Variants in SUFU observed in about 807,000 individuals in gnomAD.
The protein encoded by SUFU is SUFU negative regulator of hedgehog signaling, also known as suppressor of fused homolog.
SUFU carries 7 observed loss-of-function variants against 58.9 expected under a neutral mutation model. The observed-to-expected ratio is 0.12, with a 90% CI of 0.07 to 0.22. The LOEUF (loss-of-function observed/expected upper bound fraction) is 0.22, where lower values mean the gene tolerates loss of function less well. SUFU is among the 10% of genes least tolerant of loss of function. The probability of loss-of-function intolerance (pLI) is 1.00; values close to 1 mark genes in which losing one functional copy is unlikely to be tolerated. For missense variants in SUFU, 451 were observed against 641.3 expected, an observed-to-expected ratio of 0.70 and a Z score of 3.20; for synonymous variants, 232 against 254.8, an observed-to-expected ratio of 0.91 and a Z score of 0.85.
At chr10:102,529,277 G>T (rs1011901109) in intron 2 of SUFU, among the ~76,000 whole-genome samples, 1 of 152,134 alleles carries the variant, frequency 6.6e-6, no homozygotes, top group Non-Finnish European at 1.5e-5. Context: ...GTGACTCAAA[G>T]CATCTCACAA....
At chr10:102,515,065 T>G (rs1300721743) in intron 2 of SUFU, among the ~76,000 whole-genome samples, 2 of 152,116 alleles carry the variant, frequency 1.3e-5, no homozygotes, top group Non-Finnish European at 2.9e-5. Context: ...TCCAGTGGAG[T>G]TTGGAGCAGT....
Position 102,601,921 on chromosome 10 carries a change from G to A in SUFU, c.1022+2377G>A, listed in dbSNP as rs558707102. On this transcript the variant is annotated intron_variant, in intron 8 of 11. Coordinates refer to ENST00000369902, the MANE Select transcript of SUFU (RefSeq NM_016169.4). ...CCCTTAGTCAGGACTTCTGGGCCAG[G>A]GAGCTCTTATGCATGGGTCTTCGCG... Among the ~76,000 whole-genome samples the A allele has an allele frequency of 3.9e-5, 6 of 152,276 alleles. No individual in the cohort carries two copies. In the South Asian group the frequency reaches 1.0e-3, roughly 26 times the overall value.
rs1417829175 is a variant in SUFU at position 102,629,451 on chromosome 10, AC to A, written c.1366-614del. Among the ~76,000 whole-genome samples, 1 of 152,172 alleles carries A rather than the reference AC, an allele frequency of 6.6e-6. No individual in the cohort carries two copies. Among genetic ancestry groups the A allele is most frequent in the African/African-American group, 2.4e-5 (1 of 41,438 alleles). ...ACCCTGGGAAGTGGTGCGAATGAAT[AC>A]AGGGAGCAGGGTGGGGATTGGCCCC... On this transcript the variant is annotated intron_variant, in intron 11 of 11. Coordinates refer to ENST00000369902, the MANE Select transcript of SUFU (RefSeq NM_016169.4). The surrounding 1 kb of genome is among the most constrained non-coding windows in gnomAD (Gnocchi z 4.7).
intron 10 of SUFU, among the ~76,000 whole-genome samples, chr10:102,626,410 C>A (rs1023206119): frequency 2.0e-5 from 3 of 152,066 alleles, no homozygotes; most frequent in South Asian, 4.1e-4. Flanking sequence ...AATAGTGGGG[C>A]CAGACTCAGC....
chr10:102,525,595 T>C (rs2062600433), intron 2 of SUFU, among the ~76,000 whole-genome samples: 2 of 152,162 alleles, frequency 1.3e-5, no homozygotes, highest in Non-Finnish European at 2.9e-5. Context: ...CTCTGCCTCC[T>C]AGGTTCCAGC....
intron 3 of SUFU, among the ~76,000 whole-genome samples, chr10:102,554,333 G>A (rs1231892158): frequency 6.6e-6 from 1 of 152,100 alleles, no homozygotes; most frequent in Non-Finnish European, 1.5e-5. Flanking sequence ...AACCTGGGAG[G>A]CAGAGGTTGT....
chr10:102,605,782 C>T (rs1233688201), intron 8 of SUFU, among the ~76,000 whole-genome samples: 1 of 152,138 alleles, frequency 6.6e-6, no homozygotes, highest in Non-Finnish European at 1.5e-5. Context: ...GGAAGAATCT[C>T]CCAGGCAAGG....
chr10:102,537,655 A>G (rs1202782127), intron 2 of SUFU, among the ~76,000 whole-genome samples: 1 of 152,068 alleles, frequency 6.6e-6, no homozygotes, highest in East Asian at 1.9e-4. Context: ...ATCATATGAC[A>G]TTTGTCCCTT....
At chr10:102,506,039 GAAAAAAAAA>G (rs1170831161) in intron 1 of SUFU, among the ~76,000 whole-genome samples, 1,070 of 84,220 alleles carry the variant, frequency 0.013, 17 homozygotes, top group African/African-American at 0.043. Flanking sequence ...TCTGTTATTT[GAAAAAAAAA>G]AAAAAAAAAA....
chr10:102,512,193 CAGA>C (rs1280987875), intron 2 of SUFU, among the ~76,000 whole-genome samples: 2 of 152,120 alleles, frequency 1.3e-5, no homozygotes, highest in Non-Finnish European at 2.9e-5. Context: ...GCAGTGTCAG[CAGA>C]AGGATTTGGG....
intron 8 of SUFU, among the ~76,000 whole-genome samples, chr10:102,603,492 C>T (rs2063533577): frequency 6.6e-6 from 1 of 152,178 alleles, no homozygotes; most frequent in African/African-American, 2.4e-5. Flanking sequence ...GGTGTGCACA[C>T]TTATGTTAGA....
At chr10:102,538,359 T>C (rs991765876) in intron 2 of SUFU, among the ~76,000 whole-genome samples, 2 of 152,098 alleles carry the variant, frequency 1.3e-5, no homozygotes, top group East Asian at 1.9e-4. Flanking sequence ...CTTTTTTTTT[T>C]CCAAATGTAA....
At chr10:102,605,968 T>A (rs1298764232) in intron 8 of SUFU, among the ~76,000 whole-genome samples, 1 of 152,014 alleles carries the variant, frequency 6.6e-6, no homozygotes, top group African/African-American at 2.4e-5. Flanking sequence ...CTAAAAGGAG[T>A]CTCAATGGTT....
chr10:102,538,189 G>T (rs1275069514), intron 2 of SUFU, among the ~76,000 whole-genome samples: 1 of 152,182 alleles, frequency 6.6e-6, no homozygotes, highest in African/African-American at 2.4e-5. Context: ...ACCTCTCAAA[G>T]ATTAGTCCCT....
At chr10:102,507,668 C>T (rs1564656337) in intron 1 of SUFU, among the ~76,000 whole-genome samples, 1 of 152,232 alleles carries the variant, frequency 6.6e-6, no homozygotes, top group Non-Finnish European at 1.5e-5. Flanking sequence ...TGAAAGAGGA[C>T]GAAACAAGAC....
chr10:102,630,778 G>T lies in SUFU; in HGVS notation c.*623G>T, dbSNP rs2063830916. ...TGAACTTTCGCATTCTCTGACAGAG[G>T]CCTAGGGCTGTATCTCTCCCTGGGC... On this transcript the variant is annotated 3_prime_UTR_variant, in exon 12 of 12. Transcript: ENST00000369902. The T allele has an allele frequency of 8.1e-6, 2 of 245,878 alleles. No homozygotes were observed. Among genetic ancestry groups the T allele is most frequent in the South Asian group, 2.9e-4 (2 of 6,958 alleles). The allele number at this position is 245,878 out of a possible 1,614,324, so 15.2% of individuals were successfully genotyped here.
chr10:102,547,826 CG>C (rs540392800), intron 2 of SUFU, among the ~76,000 whole-genome samples: 10 of 145,704 alleles, frequency 6.9e-5, no homozygotes, highest in Non-Finnish European at 1.4e-4. Flanking sequence ...GAGAGAGAGG[CG>C]GGGGGGAGAG....
At chr10:102,517,411 C>T (rs556516477) in intron 2 of SUFU, among the ~76,000 whole-genome samples, 1 of 152,334 alleles carries the variant, frequency 6.6e-6, no homozygotes, top group Admixed American at 6.5e-5. Context: ...TTCTCTTCCT[C>T]AAGAGACTTG....
chr10:102,510,443 C>T (rs371544702), intron 2 of SUFU, among the ~76,000 whole-genome samples: 2 of 150,174 alleles, frequency 1.3e-5, no homozygotes, highest in South Asian at 2.1e-4. Context: ...CTCCTGACCT[C>T]GTGATCTGCC....
Sources: allele counts gnomAD v4.1 joint callset (sites outside exome capture counted in the v4.1 genomes callset), GRCh38; gene constraint gnomAD v4.1.1; non-coding constraint Gnocchi (gnomAD v3.1); transcripts MANE v1.5; gene names NCBI Gene and HGNC (gene_info 2026-07-23, HGNC 2026-07-21).